The following ELMO1 variants were observed in gnomAD, a reference collection of about 807,000 sequenced individuals.
ELMO1 encodes engulfment and cell motility 1, also known as engulfment and cell motility protein 1.
In ELMO1, 26 loss-of-function variants were observed where a neutral mutation model predicts 98.9. That is an observed-to-expected ratio of 0.26 (90% confidence interval 0.19 to 0.36). ELMO1 has a LOEUF of 0.36. Among genes scored for constraint, ELMO1 ranks in the 10% least tolerant of loss-of-function variants. ELMO1 has a pLI of 1.00. For synonymous variants in ELMO1, 346 were observed against 346.0 expected (o/e 1.00, Z 0.00); for missense variants, 627 against 935.2 (o/e 0.67, Z 4.30).
At chr7:37,103,560 A>T (rs1256757687) in intron 14 of ELMO1, among the ~76,000 whole-genome samples, 1 of 151,426 alleles carries the variant, frequency 6.6e-6, no homozygotes, top group Non-Finnish European at 1.5e-5. Context: ...ATGATACCTA[A>T]CATTAGGTTA....
chr7:36,942,214 G>A (rs760435039), intron 16 of ELMO1, among the ~76,000 whole-genome samples: 17 of 152,162 alleles, frequency 1.1e-4, no homozygotes, highest in Non-Finnish European at 2.5e-4. Context: ...CCTGGCGGAT[G>A]TGGATCAAAG....
At chr7:36,897,876 T>C (rs1200382683) in intron 16 of ELMO1, among the ~76,000 whole-genome samples, 1 of 152,150 alleles carries the variant, frequency 6.6e-6, no homozygotes, top group Non-Finnish European at 1.5e-5. Context: ...TTCCTAAGAC[T>C]AGGTTGATAG....
At chr7:37,277,024 T>A (rs895759333) in intron 4 of ELMO1, among the ~76,000 whole-genome samples, 1 of 152,250 alleles carries the variant, frequency 6.6e-6, no homozygotes, top group African/African-American at 2.4e-5. Flanking sequence ...TAGTTTATTA[T>A]GTCTATATCA....
intron 5 of ELMO1, 101 bp from the exon 6 acceptor site, chr7:37,259,451 C>T (rs2717969): frequency 0.29 from 391,290 of 1,345,846 alleles, 57,896 homozygotes; most frequent in Middle Eastern, 0.4. Context: ...AAGCCAAAAG[C>T]GCAAGACTAT....
intron 14 of ELMO1, chr7:37,116,693 A>T (rs1402247329): frequency 6.6e-6 from 1 of 151,942 alleles, no homozygotes; most frequent in Admixed American, 6.5e-5. Context: ...AAGAAAAGAG[A>T]AAAACCACCA....
intron 16 of ELMO1, among the ~76,000 whole-genome samples, chr7:36,935,449 G>T (rs1278474749): frequency 1.2e-4 from 18 of 152,194 alleles, no homozygotes; most frequent in African/African-American, 4.1e-4. Flanking sequence ...TTGCAAAGTT[G>T]AGGAGAGCAG....
chr7:37,189,386 C>A (rs978368590), intron 13 of ELMO1, among the ~76,000 whole-genome samples: 1 of 151,992 alleles, frequency 6.6e-6, no homozygotes, highest in Non-Finnish European at 1.5e-5. Flanking sequence ...TAAGGCATTC[C>A]GAAGGATATC....
intron 13 of ELMO1, among the ~76,000 whole-genome samples, chr7:37,182,285 G>A (rs1790916097): frequency 6.6e-6 from 1 of 152,078 alleles, no homozygotes; most frequent in South Asian, 2.1e-4. Flanking sequence ...GATACGGTAG[G>A]GCAGATTCTA....
chr7:37,104,309 GA>G (rs1054525903), intron 14 of ELMO1, among the ~76,000 whole-genome samples: 257 of 138,464 alleles, frequency 1.9e-3, no homozygotes, highest in Middle Eastern at 7.5e-3. Context: ...TTCTCAGAAT[GA>G]AAAAAAAAAA....
chr7:37,071,391 A>G (rs902784821), intron 15 of ELMO1, among the ~76,000 whole-genome samples: 6 of 151,368 alleles, frequency 4.0e-5, no homozygotes, highest in African/African-American at 7.4e-5. Context: ...CAATCTTAGG[A>G]AAAAAAATGT....
rs141641086 is a variant in ELMO1 at position 37,151,768 on chromosome 7, A to T, written c.1087-18534T>A. ...GTTTAAAAATCAGTGTTGAAATTAA[A>T]ATTTCAAATTAACTTTTTTCAAATG... On this transcript the variant is annotated intron_variant, in intron 13 of 21. Coordinates refer to ENST00000310758, the MANE Select transcript of ELMO1 (RefSeq NM_014800.11). Among the ~76,000 whole-genome samples, 787 of 152,294 alleles carry T rather than the reference A, an allele frequency of 5.2e-3. 5 individuals carry two copies. The highest frequency in any genetic ancestry group is 8.4e-3 in the Non-Finnish European group (573 of 68,012).
chr7:37,258,918 T>C (rs1031068655), intron 6 of ELMO1, among the ~76,000 whole-genome samples: 1 of 152,040 alleles, frequency 6.6e-6, no homozygotes, highest in Non-Finnish European at 1.5e-5. Flanking sequence ...AATGGCATGA[T>C]ATTTTCCCAC....
chr7:37,098,627 C>G (rs1365746391), intron 14 of ELMO1, among the ~76,000 whole-genome samples: 1 of 152,194 alleles, frequency 6.6e-6, no homozygotes, highest in African/African-American at 2.4e-5. Context: ...TCTGCCCAAG[C>G]ATAGACAATT....
intron 4 of ELMO1, among the ~76,000 whole-genome samples, chr7:37,304,097 T>C (rs750931961): frequency 7.2e-5 from 11 of 151,998 alleles, no homozygotes; most frequent in Non-Finnish European, 1.3e-4. Flanking sequence ...AGAGGAAACA[T>C]AGCAAATGAT....
intron 21 of ELMO1, among the ~76,000 whole-genome samples, chr7:36,858,302 G>A (rs868409567): frequency 3.9e-5 from 6 of 152,078 alleles, no homozygotes; most frequent in South Asian, 2.1e-4. Context: ...TCCAGACAAC[G>A]ATCATTGTTG....
At chr7:37,155,257 G>A (rs1409332604) in intron 13 of ELMO1, among the ~76,000 whole-genome samples, 1 of 152,084 alleles carries the variant, frequency 6.6e-6, no homozygotes, top group Non-Finnish European at 1.5e-5. Flanking sequence ...CAATTAATGG[G>A]CGAAATAACC....
intron 15 of ELMO1, among the ~76,000 whole-genome samples, chr7:37,085,599 C>T (rs1430361973): frequency 6.6e-6 from 1 of 152,000 alleles, no homozygotes; most frequent in African/African-American, 2.4e-5. Context: ...TGGCCTGGTA[C>T]ATCACGATCC....
At position 36,907,686 on chromosome 7, in the gene ELMO1, C is replaced by T. The variant is rs560585180; in HGVS notation, c.1438-12669G>A. ...CTGCTGGGTCTCCCATTCTCTCACC[C>T]GAATGCAGTCCCTTTCCTTACTGAT... On this transcript the variant is annotated intron_variant, in intron 16 of 21. Transcript: ENST00000310758. Among the ~76,000 whole-genome samples the T allele has an allele frequency of 3.9e-5, 6 of 152,306 alleles. No individual in the cohort carries two copies. In the East Asian group the frequency reaches 5.8e-4, roughly 15 times the overall value.
intron 15 of ELMO1, among the ~76,000 whole-genome samples, chr7:37,095,104 G>C (rs146720814): frequency 8.2e-4 from 125 of 152,310 alleles, no homozygotes; most frequent in African/African-American, 2.9e-3. Context: ...CATCAGAAAG[G>C]AGGAGACAAC....
Sources: allele counts gnomAD v4.1 joint callset (sites outside exome capture counted in the v4.1 genomes callset), GRCh38; gene constraint gnomAD v4.1.1; transcripts MANE v1.5; gene names NCBI Gene and HGNC (gene_info 2026-07-23, HGNC 2026-07-21).